The following CACNA1C variants were observed in gnomAD, a reference collection of about 807,000 sequenced individuals.
The protein encoded by CACNA1C is voltage-dependent L-type calcium channel subunit alpha-1C.
In CACNA1C, 30 loss-of-function variants were observed where a neutral mutation model predicts 229.0. That is an observed-to-expected ratio of 0.13 (90% confidence interval 0.10 to 0.18). The LOEUF (loss-of-function observed/expected upper bound fraction) is 0.18, where lower values mean the gene tolerates loss of function less well. CACNA1C is among the 10% of genes least tolerant of loss of function. The pLI is 1.00. For missense variants in CACNA1C, 1,658 were observed against 2,845.0 expected, an observed-to-expected ratio of 0.58 and a Z score of 9.49; for synonymous variants, 1,114 against 1,132.5, an observed-to-expected ratio of 0.98 and a Z score of 0.33.
At chr12:2,189,886 A>G (rs1050111664) in intron 3 of CACNA1C, among the ~76,000 whole-genome samples, 3 of 152,206 alleles carry the variant, frequency 2.0e-5, no homozygotes, top group African/African-American at 7.2e-5. Context: ...CACTGACGCA[A>G]GAGAACAAAG....
intron 3 of CACNA1C, among the ~76,000 whole-genome samples, chr12:2,293,660 G>A (rs2093728054): frequency 6.6e-6 from 1 of 152,232 alleles, no homozygotes; most frequent in South Asian, 2.1e-4. Flanking sequence ...GCCCAGGGAA[G>A]CCAAAAGATT....
At chr12:2,339,518 G>A (rs1215933797) in intron 3 of CACNA1C, among the ~76,000 whole-genome samples, 1 of 152,164 alleles carries the variant, frequency 6.6e-6, no homozygotes, top group East Asian at 1.9e-4. Flanking sequence ...TTTTTAACTT[G>A]ATGACTCTTA....
rs1008862109 is a variant in CACNA1C, at chr12:2,289,218, C to T, written c.478-159758C>T. Among the ~76,000 whole-genome samples, 13 of 152,114 alleles carry T rather than the reference C, an allele frequency of 8.5e-5. 1 individual carries two copies. The highest frequency in any genetic ancestry group is 1.9e-4 in the Non-Finnish European group (13 of 68,010). On this transcript the variant is annotated intron_variant, in intron 3 of 46. Coordinates refer to ENST00000399655, the MANE Select transcript of CACNA1C (RefSeq NM_000719.7). ...GAGGGAGGGTATGAGAGTCGAGGCA[C>T]ATGCCAAAAAGGAGCAGGTGGGAAA...
intron 1 of CACNA1C, among the ~76,000 whole-genome samples, chr12:2,109,362 C>G (rs1420683409): frequency 6.6e-6 from 1 of 152,184 alleles, no homozygotes; most frequent in Admixed American, 6.5e-5. Context: ...AAGGGATCAC[C>G]TGAGCCCAAA....
At chr12:2,437,923 A>G (rs2099157529) in intron 3 of CACNA1C, among the ~76,000 whole-genome samples, 1 of 126,368 alleles carries the variant, frequency 7.9e-6, no homozygotes, top group African/African-American at 3.1e-5. Context: ...TAGAGATGGT[A>G]GTGGTGGTGG....
intron 3 of CACNA1C, among the ~76,000 whole-genome samples, chr12:2,315,810 T>C (rs539570928): frequency 5.9e-5 from 9 of 152,328 alleles, no homozygotes; most frequent in African/African-American, 1.7e-4. Context: ...TTTGCTGGCT[T>C]CCCCAGAACA....
At position 2,663,745 on chromosome 12, in the gene CACNA1C, T is replaced by C. The variant is rs1456869616; in HGVS notation, c.4233-1080T>C. 2.1e-5 allele frequency among the ~76,000 whole-genome samples: 3 copies of C among 143,968 alleles called. No individual in the cohort carries two copies. The East Asian group carries it at 6.0e-4, about 29-fold the overall frequency. 94.4% of individuals were successfully genotyped at this position (143,968 alleles called of 152,430 possible). A position where few individuals can be genotyped will look rare whatever the true frequency, so the allele number is the denominator to read the frequency against. On this transcript the variant is annotated intron_variant, in intron 34 of 46. Transcript: ENST00000399655. The stretch of plus-strand genomic sequence containing the variant: ...TAGAGAATAGAGTATCTTTTTTTTT[T>C]TTTTTTTTTTTTTTGAGACGGAGTC...
At chr12:2,101,011 A>AAAAAAAG (rs938983076) in intron 1 of CACNA1C, among the ~76,000 whole-genome samples, 2 of 151,948 alleles carry the variant, frequency 1.3e-5, no homozygotes, top group Non-Finnish European at 2.9e-5. Flanking sequence ...CAAAAAAAAA[A>AAAAAAAG]AAAAAAGAAA....
chr12:2,333,062 G>T (rs1271461276), intron 3 of CACNA1C, among the ~76,000 whole-genome samples: 11 of 152,152 alleles, frequency 7.2e-5, no homozygotes, highest in African/African-American at 2.7e-4. Flanking sequence ...TCCAGTCCCA[G>T]TTCTTCAGAC....
chr12:2,365,197 T>G (rs1397792365), intron 3 of CACNA1C, among the ~76,000 whole-genome samples: 2 of 152,212 alleles, frequency 1.3e-5, no homozygotes, highest in African/African-American at 4.8e-5. Context: ...ATTTTGATTT[T>G]CTACAGCTAG....
At chr12:2,327,979 G>A (rs2096394143) in intron 3 of CACNA1C, among the ~76,000 whole-genome samples, 1 of 152,174 alleles carries the variant, frequency 6.6e-6, no homozygotes, top group African/African-American at 2.4e-5. Flanking sequence ...TTCAAAAGAT[G>A]AGATCATTTA....
rs2094568640 is a variant in CACNA1C, at chr12:2,648,488, C to G, written c.3926C>G (p.Thr1309Ser). ...AITEVNPAEH[T>S]QCSPSMNAEE... ...CTTTCTTTAAAGCCAGCTGAACATA[C>G]CCAATGCTCTCCCTCTATGGTAAGA... The change falls in exon 31 of 47, where the codon ACC becomes AGC. Residue 1309 changes from threonine to serine, a missense_variant. Physicochemically the swap from Thr to Ser is moderately conservative, Grantham distance 58 (BLOSUM62 1). Transcript: ENST00000399655. The G allele has an allele frequency of 6.2e-7, 1 of 1,613,914 alleles. No individual in the cohort carries two copies. Among genetic ancestry groups the G allele is most frequent in the South Asian group, 1.1e-5 (1 of 91,082 alleles).
intron 3 of CACNA1C, among the ~76,000 whole-genome samples, chr12:2,234,025 TC>T (rs2066349850): frequency 1.3e-5 from 2 of 152,254 alleles, no homozygotes; most frequent in Admixed American, 6.5e-5. Context: ...TTCCAACACT[TC>T]TCCCTTTGGC....
At position 2,034,351 on chromosome 12, in the gene CACNA1C, A is replaced by C. The variant is rs1175382773; in HGVS notation, c.139+63150A>C. On this transcript the variant is annotated intron_variant, in intron 1 of 46. Transcript: ENST00000682462. This position sits in a 1 kb window ranked among gnomAD's most constrained non-coding sequence, Gnocchi z 4.1. ...CTCCGTGAGATGCCAGATAACTGAA[A>C]GAGAACTACAGGGAAGATGTCAGAG... 6.6e-6 allele frequency among the ~76,000 whole-genome samples: 1 copy of C among 152,222 alleles called. No individual in the cohort carries two copies. The highest frequency in any genetic ancestry group is 2.4e-5 in the African/African-American group (1 of 41,458).
At chr12:2,325,490 G>A (rs933435943) in intron 3 of CACNA1C, among the ~76,000 whole-genome samples, 5 of 152,148 alleles carry the variant, frequency 3.3e-5, no homozygotes, top group South Asian at 2.1e-4. Flanking sequence ...AAGGAATATC[G>A]GCTGTAGAGT....
At chr12:2,026,658 T>A (rs963454575) in intron 1 of CACNA1C, among the ~76,000 whole-genome samples, 1 of 152,258 alleles carries the variant, frequency 6.6e-6, no homozygotes, top group African/African-American at 2.4e-5. Flanking sequence ...TTGGCTTTTT[T>A]ACACTGTGTA....
chr12:2,635,332 CTCTT>C (rs1288333665), intron 30 of CACNA1C, among the ~76,000 whole-genome samples: 1 of 152,200 alleles, frequency 6.6e-6, no homozygotes, highest in Non-Finnish European at 1.5e-5. Flanking sequence ...GTTTAAATCT[CTCTT>C]TATCTATAGG....
intron 3 of CACNA1C, among the ~76,000 whole-genome samples, chr12:2,219,021 T>C (rs1012899504): frequency 6.6e-6 from 1 of 152,184 alleles, no homozygotes; most frequent in Non-Finnish European, 1.5e-5. Context: ...GTGCTTGACA[T>C]GTGGAAGGGA....
At chr12:2,544,290 A>G (rs1421951810) in intron 9 of CACNA1C, among the ~76,000 whole-genome samples, 1 of 152,230 alleles carries the variant, frequency 6.6e-6, no homozygotes, top group Non-Finnish European at 1.5e-5. Context: ...AATTCTCCTT[A>G]CCAGGCAACA....
Sources: allele counts gnomAD v4.1 joint callset (sites outside exome capture counted in the v4.1 genomes callset), GRCh38; gene constraint gnomAD v4.1.1; non-coding constraint Gnocchi (gnomAD v3.1); transcripts MANE v1.5; gene names NCBI Gene and HGNC (gene_info 2026-07-23, HGNC 2026-07-21).